The following SPAG9 variants were observed in gnomAD, a reference collection of about 807,000 sequenced individuals.
SPAG9 encodes the protein C-Jun-amino-terminal kinase-interacting protein 4.
Under a neutral mutation model 166.5 loss-of-function variants are expected in SPAG9, and 35 were observed. The ratio of observed to expected loss-of-function variants is 0.21; its 90% CI spans 0.16 to 0.28. SPAG9 has a LOEUF of 0.28. Ranked by LOEUF, SPAG9 falls within the 10% of genes least tolerant of loss-of-function variation. SPAG9 has a pLI of 1.00. For synonymous variants in SPAG9, 534 were observed against 565.5 expected, an observed-to-expected ratio of 0.94 and a Z score of 0.79; for missense variants, 1,235 against 1,603.3, an observed-to-expected ratio of 0.77 and a Z score of 3.92.
chr17:51,020,727 C>T (rs2045907563), intron 7 of SPAG9, among the ~76,000 whole-genome samples: 1 of 152,184 alleles, frequency 6.6e-6, no homozygotes, highest in African/African-American at 2.4e-5. Context: ...GCAGTCTTAT[C>T]TCAGTATCCA....
chr17:51,070,602 T>C (rs764370041), intron 2 of SPAG9, among the ~76,000 whole-genome samples: 3 of 152,190 alleles, frequency 2.0e-5, no homozygotes, highest in Non-Finnish European at 2.9e-5. Flanking sequence ...TTCTTACATT[T>C]ATTTTACCCT....
intron 27 of SPAG9, 139 bp from the exon 28 acceptor site, chr17:50,975,086 A>G: frequency 2.7e-6 from 2 of 731,324 alleles, no homozygotes; most frequent in Non-Finnish European, 4.3e-6. Flanking sequence ...TGCCAATTCA[A>G]GACAAAGCTG....
chr17:51,056,158 G>C (rs369983735), intron 3 of SPAG9, among the ~76,000 whole-genome samples: 237 of 152,224 alleles, frequency 1.6e-3, no homozygotes, highest in African/African-American at 5.5e-3. Flanking sequence ...AAGGAGAGAA[G>C]TACTATAGCT....
chr17:51,038,292 A>G (rs2046698954), intron 5 of SPAG9, among the ~76,000 whole-genome samples: 1 of 152,172 alleles, frequency 6.6e-6, no homozygotes, highest in African/African-American at 2.4e-5. Context: ...ATCTACCCAG[A>G]TTAAGTAAAA....
chr17:51,018,760 G>A (rs759430287), intron 8 of SPAG9, among the ~76,000 whole-genome samples: 2 of 152,042 alleles, frequency 1.3e-5, no homozygotes, highest in South Asian at 2.1e-4. Context: ...TGGAGTACCC[G>A]GCTGCTGGCC....
intron 1 of SPAG9, among the ~76,000 whole-genome samples, chr17:51,117,374 C>G (rs1170209350): frequency 1.3e-5 from 2 of 152,068 alleles, no homozygotes; most frequent in African/African-American, 4.8e-5. Flanking sequence ...TGTAAATACC[C>G]TGAGGCACTT....
At chr17:51,011,104 G>T (rs1278751419) in intron 9 of SPAG9, among the ~76,000 whole-genome samples, 3 of 152,058 alleles carry the variant, frequency 2.0e-5, no homozygotes, top group Admixed American at 6.6e-5. Context: ...TAAGAAAGTT[G>T]AGGGATGAGA....
intron 22 of SPAG9, 22 bp downstream of exon 22, chr17:50,987,090 T>C: frequency 1.3e-6 from 2 of 1,587,550 alleles, no homozygotes; most frequent in South Asian, 1.2e-5. Context: ...CATATTCTAA[T>C]GTTAAAAGCA....
intron 1 of SPAG9, among the ~76,000 whole-genome samples, chr17:51,103,314 G>A (rs939730539): frequency 3.3e-5 from 5 of 152,162 alleles, no homozygotes; most frequent in Non-Finnish European, 7.3e-5. Context: ...TTGACACAGC[G>A]CTGAAAGTGC....
chr17:51,077,032 A>AGC (rs879380915), intron 2 of SPAG9, among the ~76,000 whole-genome samples: 1,545 of 104,298 alleles, frequency 0.015, 61 homozygotes, highest in Non-Finnish European at 0.016. Flanking sequence ...CTAGCTATCT[A>AGC]TCTAGCTATC....
intron 1 of SPAG9, among the ~76,000 whole-genome samples, chr17:51,119,548 G>A (rs2049409298): frequency 6.6e-6 from 1 of 152,142 alleles, no homozygotes; most frequent in South Asian, 2.1e-4. Flanking sequence ...GGGTGCTAGA[G>A]TTAACAGGTG....
At chr17:51,061,783 C>T (rs2047526742) in intron 2 of SPAG9, among the ~76,000 whole-genome samples, 1 of 152,004 alleles carries the variant, frequency 6.6e-6, no homozygotes, top group South Asian at 2.1e-4. Flanking sequence ...ATTTTGTTCT[C>T]CTTAAGCATT....
chr17:51,112,398 C>T (rs1383669929), intron 1 of SPAG9, among the ~76,000 whole-genome samples: 4 of 147,146 alleles, frequency 2.7e-5, no homozygotes, highest in African/African-American at 1.0e-4. Context: ...AAAGGCCAGG[C>T]GCAGTGGCTC....
intron 1 of SPAG9, among the ~76,000 whole-genome samples, chr17:51,090,291 G>C (rs908251436): frequency 2.0e-5 from 3 of 152,054 alleles, no homozygotes; most frequent in African/African-American, 7.2e-5. Flanking sequence ...GGGAGGCCGA[G>C]GCAAGCAGAT....
At chr17:51,091,228 G>A (rs1458232834) in intron 1 of SPAG9, among the ~76,000 whole-genome samples, 1 of 147,792 alleles carries the variant, frequency 6.8e-6, no homozygotes, top group Non-Finnish European at 1.5e-5. Context: ...AGCTGAGAGT[G>A]AGCCACTGCA....
chr17:51,091,984 T>TA lies in SPAG9; in HGVS notation c.304-12281dup, dbSNP rs66581264. ...CTTTGAAAAGACAAGCTCCCAAAGT[T>TA]AAAAAAAAAAAAAAAAAAAATTCCC... On this transcript the variant is annotated intron_variant, in intron 1 of 29. Transcript: ENST00000262013. Among the ~76,000 whole-genome samples the TA allele has an allele frequency of 6.1e-3, 785 of 129,272 alleles. 2 individuals are homozygous for TA. Among genetic ancestry groups the TA allele is most frequent in the Middle Eastern group, 8.3e-3 (2 of 240 alleles). 84.8% of individuals were successfully genotyped at this position (129,272 alleles called of 152,430 possible).
Position 50,967,615 on chromosome 17 carries a change from C to A in SPAG9, c.3851-1228G>T, listed in dbSNP as rs1880401127. ...AATTTCAATGAAAAAAATTAACTGG[C>A]TGAGACAAAAGGCTGTCGCCATTTC... is the stretch of plus-strand genomic sequence containing the variant. On this transcript the variant is annotated intron_variant, in intron 29 of 29. Transcript: ENST00000262013. Among the ~76,000 whole-genome samples, 4 of 152,162 alleles carry A rather than the reference C, an allele frequency of 2.6e-5. No individual in the cohort carries two copies. The South Asian group carries it at 8.3e-4, about 31-fold the overall frequency.
At chr17:51,059,015 A>G (rs1243696683) in intron 2 of SPAG9, among the ~76,000 whole-genome samples, 1 of 152,248 alleles carries the variant, frequency 6.6e-6, no homozygotes, top group Non-Finnish European at 1.5e-5. Context: ...CTGTCCATCA[A>G]GAGTAGAATG....
At chr17:51,084,678 G>A (rs564308849) in intron 1 of SPAG9, among the ~76,000 whole-genome samples, 4 of 152,034 alleles carry the variant, frequency 2.6e-5, no homozygotes, top group Non-Finnish European at 5.9e-5. Flanking sequence ...CAAAGTGCTG[G>A]GATTACAGGT....
Sources: gnomAD v4.1 joint callset for allele counts (sites outside exome capture counted in the v4.1 genomes callset) on GRCh38, gnomAD v4.1.1 for gene constraint, MANE v1.5 for transcripts, NCBI Gene and HGNC (gene_info 2026-07-23, HGNC 2026-07-21) for gene names.